Variants in MCF2L observed in about 807,000 individuals in gnomAD.
The protein encoded by MCF2L is MCF.2 cell line derived transforming sequence like.
A neutral mutation model predicts 153.4 loss-of-function variants in MCF2L; 97 were observed. The observed-to-expected ratio is 0.63, with a 90% CI of 0.54 to 0.75. The LOEUF is 0.75. Among genes scored for constraint, MCF2L ranks in the 30% least tolerant of loss-of-function variants. The pLI, the probability that MCF2L is intolerant of heterozygous loss-of-function variation, is 0.00. For missense variants in MCF2L, 1,347 were observed against 1,495.2 expected (o/e 0.90, Z 1.64); for synonymous variants, 659 against 632.2 (o/e 1.04, Z -0.64).
At chr13:113,034,719 C>T (rs1483581651) in intron 3 of MCF2L, among the ~76,000 whole-genome samples, 4 of 152,192 alleles carry the variant, frequency 2.6e-5, no homozygotes, top group Non-Finnish European at 5.9e-5. Flanking sequence ...TGCCCTTGCC[C>T]TGGTCTCACC....
intron 2 of MCF2L, among the ~76,000 whole-genome samples, chr13:112,906,117 G>A (rs1010413245): frequency 4.6e-5 from 7 of 152,134 alleles, no homozygotes; most frequent in African/African-American, 1.7e-4. Flanking sequence ...CGCTCGGTGC[G>A]GTCTGAAGCT....
intron 1 of MCF2L, among the ~76,000 whole-genome samples, chr13:112,986,420 A>G (rs2082643112): frequency 6.6e-6 from 1 of 152,216 alleles, no homozygotes; most frequent in Non-Finnish European, 1.5e-5. Flanking sequence ...ACGGTGTGGG[A>G]GGACACAGCA....
intron 2 of MCF2L, among the ~76,000 whole-genome samples, chr13:113,023,838 A>G (rs1012560009): frequency 6.6e-6 from 1 of 152,156 alleles, no homozygotes; most frequent in African/African-American, 2.4e-5. Context: ...GCCCTTTCAC[A>G]AAGTCCACCC....
chr13:112,909,132 T>C, intron 2 of MCF2L: 1 of 744,690 alleles, frequency 1.3e-6, no homozygotes, highest in East Asian at 2.5e-5. Context: ...CTCTCCCTCC[T>C]GCTTGCCTCA....
At chr13:112,962,902 C>T (rs2081849617) in intron 2 of MCF2L, among the ~76,000 whole-genome samples, 1 of 152,224 alleles carries the variant, frequency 6.6e-6, no homozygotes, top group African/African-American at 2.4e-5. Flanking sequence ...TTGGCTCTTC[C>T]AGGAAGAATC....
intron 1 of MCF2L, chr13:113,001,832 G>A (rs1005681941): frequency 3.3e-6 from 5 of 1,492,880 alleles, no homozygotes; most frequent in Non-Finnish European, 4.4e-6. Flanking sequence ...AGATGGTGCT[G>A]GTGCTGCGCC....
chr13:113,001,934 G>A, intron 1 of MCF2L: 1 of 1,595,616 alleles, frequency 6.3e-7, no homozygotes. Context: ...GGCTGTCACT[G>A]CTGTGCCGGG....
chr13:112,964,259 C>G (rs1452535715), upstream of MCF2L, among the ~76,000 whole-genome samples: 2 of 152,238 alleles, frequency 1.3e-5, no homozygotes, highest in Non-Finnish European at 2.9e-5. Context: ...AGTTGTGGTT[C>G]TTGCCTCAGG....
intron 1 of MCF2L, among the ~76,000 whole-genome samples, chr13:112,896,498 G>A (rs762485582): frequency 4.6e-5 from 7 of 151,790 alleles, no homozygotes; most frequent in African/African-American, 7.3e-5. Flanking sequence ...CATTTGTAAC[G>A]TGGTGGGAGA....
rs1379592540 is a variant in MCF2L, at chr13:113,035,051, G to A, written c.279-10220G>A. Reference sequence around the variant, plus strand: ...GAGCATGGCCCCCGTGAAGCCCCTCGGGAGGAAGGGTTCCTGTCCACGTTC... The same window carrying A: ...GAGCATGGCCCCCGTGAAGCCCCTCAGGAGGAAGGGTTCCTGTCCACGTTC... On this transcript the variant is annotated intron_variant, in intron 3 of 29. Transcript: ENST00000535094. This position sits in a 1 kb window ranked among gnomAD's most constrained non-coding sequence, Gnocchi z 4.4. 1.3e-5 allele frequency among the ~76,000 whole-genome samples: 2 copies of A among 152,188 alleles called. No homozygotes were observed. The highest frequency in any genetic ancestry group is 2.1e-4 in the South Asian group (1 of 4,826).
intron 2 of MCF2L, among the ~76,000 whole-genome samples, chr13:112,914,953 A>G (rs2081275417): frequency 6.6e-6 from 1 of 152,052 alleles, no homozygotes; most frequent in South Asian, 2.1e-4. Context: ...CGTAGTTGAA[A>G]AGGTCTTCCT....
intron 2 of MCF2L, among the ~76,000 whole-genome samples, chr13:112,945,967 G>A (rs1253512855): frequency 6.6e-6 from 1 of 152,112 alleles, no homozygotes; most frequent in East Asian, 1.9e-4. Context: ...AGACAGGTGA[G>A]GAGCTGCTGC....
intron 2 of MCF2L, among the ~76,000 whole-genome samples, chr13:113,022,377 T>G (rs1013691112): frequency 1.3e-5 from 1 of 74,880 alleles, no homozygotes; most frequent in African/African-American, 4.9e-5. Flanking sequence ...AGCTTCTCCC[T>G]CCCACCCACC....
chr13:113,064,055 G>A lies in MCF2L; in HGVS notation c.490-249G>A, dbSNP rs187893740. Among the ~76,000 whole-genome samples the A allele has an allele frequency of 2.0e-5, 3 of 152,212 alleles. No individual in the cohort carries two copies. The highest frequency in any genetic ancestry group is 1.3e-4 in the Admixed American group (2 of 15,286). On this transcript the variant is annotated intron_variant, in intron 5 of 29. Transcript: ENST00000535094. This position sits in a 1 kb window ranked among gnomAD's most constrained non-coding sequence, Gnocchi z 6.0. ...CAAATAGCAGGGAAGGAGGGCGCAC[G>A]GAGTTATCTCCATCATAAGGGCCAT...
chr13:112,993,270 C>T lies in MCF2L; in HGVS notation c.80-21493C>T, dbSNP rs931450408. Among the ~76,000 whole-genome samples the T allele has an allele frequency of 3.3e-5, 5 of 152,086 alleles. No homozygotes were observed. The highest frequency in any genetic ancestry group is 5.9e-5 in the Non-Finnish European group (4 of 68,032). ...TCGTGTGAACATGGTGGCGGGGGAG[C>T]GCCGGGCACACAACATGGTGGGTGT... On this transcript the variant is annotated intron_variant, in intron 1 of 29. Coordinates refer to ENST00000535094, the MANE Select transcript of MCF2L (RefSeq NM_001112732.3). The surrounding 1 kb of genome is among the most constrained non-coding windows in gnomAD (Gnocchi z 4.6).
chr13:113,051,496 T>A (rs1310103840), intron 4 of MCF2L, among the ~76,000 whole-genome samples: 1 of 152,186 alleles, frequency 6.6e-6, no homozygotes, highest in Non-Finnish European at 1.5e-5. Context: ...TTTGACAGCC[T>A]TGGGGTATCC....
chr13:113,099,683 A>T lies in MCF2L; in HGVS notation c.*2824A>T, dbSNP rs1375912273. ...CTGAAAAATCTAATAAAACTGACTA[A>T]TTTATAGAAAACCTAAGAAACTCCA... On this transcript the variant is annotated 3_prime_UTR_variant, in exon 30 of 30. Transcript: ENST00000535094. 1 of 150,274 alleles carries T rather than the reference A, an allele frequency of 6.7e-6. No homozygotes were observed. Among genetic ancestry groups the T allele is most frequent in the Admixed American group, 6.6e-5 (1 of 15,230 alleles). 9.3% of individuals were successfully genotyped at this position (150,274 alleles called of 1,614,324 possible).
chr13:112,974,366 C>T (rs1469199810), intron 1 of MCF2L, among the ~76,000 whole-genome samples: 1 of 152,134 alleles, frequency 6.6e-6, no homozygotes, highest in Non-Finnish European at 1.5e-5. Flanking sequence ...AAGCCCCTGG[C>T]ATGGCCAGCC....
At chr13:113,036,319 G>A (rs1240709000) in intron 3 of MCF2L, among the ~76,000 whole-genome samples, 1 of 152,236 alleles carries the variant, frequency 6.6e-6, no homozygotes, top group East Asian at 1.9e-4. Flanking sequence ...TCCACAGCCA[G>A]AGTTCTAAGA....
Sources: gnomAD v4.1 joint callset for allele counts (sites outside exome capture counted in the v4.1 genomes callset) on GRCh38, gnomAD v4.1.1 for gene constraint, Gnocchi (gnomAD v3.1) non-coding constraint, MANE v1.5 for transcripts, NCBI Gene and HGNC (gene_info 2026-07-23, HGNC 2026-07-21) for gene names.